RARB: variants seen among roughly 807,000 people sequenced by gnomAD.
The protein encoded by RARB is HBV-activated protein.
RARB carries 17 observed loss-of-function variants against 51.9 expected under a neutral mutation model. That is an observed-to-expected ratio of 0.33 (90% confidence interval 0.22 to 0.49). The LOEUF (loss-of-function observed/expected upper bound fraction) is 0.49. Ranked by LOEUF, RARB falls within the 20% of genes least tolerant of loss-of-function variation. RARB has a pLI of 0.99. For synonymous variants in RARB, 215 were observed against 195.4 expected (o/e 1.10, Z -0.84); for missense variants, 369 against 550.8 (o/e 0.67, Z 3.30).
At chr3:25,169,767 C>A (rs956654243) in intron 4 of RARB, among the ~76,000 whole-genome samples, 7 of 151,940 alleles carry the variant, frequency 4.6e-5, no homozygotes, top group African/African-American at 1.7e-4. Flanking sequence ...GCAGAAGGAT[C>A]ACTTGAGTCC....
chr3:25,172,030 G>T (rs1488141903), intron 4 of RARB, among the ~76,000 whole-genome samples: 1 of 152,140 alleles, frequency 6.6e-6, no homozygotes, highest in Non-Finnish European at 1.5e-5. Context: ...GAAATTTTGG[G>T]TGGGATTTTT....
At chr3:25,183,121 G>A (rs558991699) in intron 5 of RARB, among the ~76,000 whole-genome samples, 11 of 152,046 alleles carry the variant, frequency 7.2e-5, no homozygotes, top group Admixed American at 2.6e-4. Flanking sequence ...TCTTACTACC[G>A]AAAAAGAAAA....
At chr3:25,130,946 TTTA>T (rs1303606927) in intron 3 of RARB, among the ~76,000 whole-genome samples, 5 of 87,868 alleles carry the variant, frequency 5.7e-5, no homozygotes, top group Admixed American at 1.5e-4. Flanking sequence ...AATATCAATA[TTTA>T]TTATTGATAA....
chr3:25,255,211 C>A (rs1309507497), intron 5 of RARB, among the ~76,000 whole-genome samples: 1 of 152,114 alleles, frequency 6.6e-6, no homozygotes, highest in East Asian at 1.9e-4. Context: ...AGTAGATCAA[C>A]ACAAATATGA....
chr3:25,500,954 A>T (rs1697280795), intron 2 of RARB, among the ~76,000 whole-genome samples: 1 of 152,170 alleles, frequency 6.6e-6, no homozygotes, highest in Non-Finnish European at 1.5e-5. Context: ...CTTTAGCAAG[A>T]TAATAATGGT....
intron 2 of RARB, among the ~76,000 whole-genome samples, chr3:24,920,883 A>G (rs953445215): frequency 1.3e-5 from 2 of 152,198 alleles, no homozygotes; most frequent in Admixed American, 6.5e-5. Flanking sequence ...ACAGTTCTAC[A>G]TAATTGATAT....
At chr3:24,932,443 A>G (rs533489215) in intron 2 of RARB, among the ~76,000 whole-genome samples, 3 of 152,154 alleles carry the variant, frequency 2.0e-5, no homozygotes, top group Admixed American at 2.0e-4. Flanking sequence ...TACATTGCTA[A>G]TACTTTTTAA....
At chr3:25,586,494 T>C (rs971868430) in intron 5 of RARB, among the ~76,000 whole-genome samples, 3 of 152,124 alleles carry the variant, frequency 2.0e-5, no homozygotes, top group African/African-American at 7.2e-5. Flanking sequence ...AATCCCAGCA[T>C]ATATGCTGCT....
chr3:25,009,160 A>AGAAAAG (rs1445169209), intron 2 of RARB, among the ~76,000 whole-genome samples: 19 of 152,204 alleles, frequency 1.2e-4, no homozygotes, highest in African/African-American at 3.4e-4. Flanking sequence ...AAGTCACTTA[A>AGAAAAG]TTCTGGACAT....
chr3:25,465,500 A>G (rs998616985), intron 2 of RARB, among the ~76,000 whole-genome samples: 1 of 152,198 alleles, frequency 6.6e-6, no homozygotes, highest in Non-Finnish European at 1.5e-5. Flanking sequence ...CATAACCAGG[A>G]TGACCTAATT....
At chr3:25,522,635 T>G (rs2125633631) in intron 3 of RARB, among the ~76,000 whole-genome samples, 1 of 152,176 alleles carries the variant, frequency 6.6e-6, no homozygotes, top group Middle Eastern at 3.4e-3. Context: ...GAGGGCAGTT[T>G]GCAGGAGGAG....
chr3:25,243,911 T>C (rs1439335599), intron 5 of RARB, among the ~76,000 whole-genome samples: 1 of 152,198 alleles, frequency 6.6e-6, no homozygotes, highest in East Asian at 1.9e-4. Context: ...GTACCTCTGG[T>C]AGAATTCAGC....
At chr3:25,058,047 T>C (rs891498434) in intron 2 of RARB, among the ~76,000 whole-genome samples, 34 of 152,098 alleles carry the variant, frequency 2.2e-4, no homozygotes, top group African/African-American at 7.9e-4. Flanking sequence ...TTGCTTAGGT[T>C]ATAAAAATTG....
chr3:25,373,939 A>C (rs1328044912), intron 5 of RARB, among the ~76,000 whole-genome samples: 1 of 152,210 alleles, frequency 6.6e-6, no homozygotes, highest in Non-Finnish European at 1.5e-5. Flanking sequence ...GGCTAGATAG[A>C]GTACATGGTT....
chr3:25,067,102 A>T (rs1698678632), intron 3 of RARB, among the ~76,000 whole-genome samples: 1 of 152,206 alleles, frequency 6.6e-6, no homozygotes, highest in Admixed American at 6.5e-5. Context: ...ACACCCACTG[A>T]GAAGGGCTCC....
chr3:25,369,392 C>T (rs1204968458), intron 5 of RARB, among the ~76,000 whole-genome samples: 1 of 152,030 alleles, frequency 6.6e-6, no homozygotes, highest in Non-Finnish European at 1.5e-5. Flanking sequence ...TTCAAGGGAC[C>T]TGAGAATACA....
intron 3 of RARB, among the ~76,000 whole-genome samples, chr3:25,535,427 A>G (rs977101006): frequency 1.1e-5 from 1 of 92,940 alleles, no homozygotes; most frequent in Admixed American, 1.1e-4. Flanking sequence ...TTTTTTTTTT[A>G]TGCTTTAGGT....
chr3:25,140,834 C>A (rs1700096587), intron 4 of RARB, among the ~76,000 whole-genome samples: 1 of 151,862 alleles, frequency 6.6e-6, no homozygotes, highest in Non-Finnish European at 1.5e-5. Flanking sequence ...AGTAATCACT[C>A]ATCCACATTG....
chr3:24,934,198 G>C (rs370734437), intron 2 of RARB, among the ~76,000 whole-genome samples: 3 of 152,048 alleles, frequency 2.0e-5, no homozygotes, highest in African/African-American at 4.8e-5. Context: ...GGAGGGAACC[G>C]GCAAAGACAT....
Sources: allele counts gnomAD v4.1 joint callset (sites outside exome capture counted in the v4.1 genomes callset), GRCh38; gene constraint gnomAD v4.1.1; transcripts MANE v1.5; gene names NCBI Gene and HGNC (gene_info 2026-07-23, HGNC 2026-07-21).